The following CLCN7 variants were observed in gnomAD, a reference collection of about 807,000 sequenced individuals.
CLCN7 encodes H(+)/Cl(-) exchange transporter 7.
In CLCN7, 60 loss-of-function variants were observed where a neutral mutation model predicts 102.1. The observed-to-expected ratio is 0.59, with a 90% CI of 0.48 to 0.73. CLCN7 has a LOEUF of 0.73. Among genes scored for constraint, CLCN7 ranks in the 30% least tolerant of loss-of-function variants. The pLI is 0.00. For synonymous variants in CLCN7, 560 were observed against 490.5 expected, an observed-to-expected ratio of 1.14 and a Z score of -1.87; for missense variants, 962 against 1,125.7, an observed-to-expected ratio of 0.85 and a Z score of 2.08.
chr16:1,469,056 A>G (rs1596230226), intron 1 of CLCN7, among the ~76,000 whole-genome samples: 1 of 147,718 alleles, frequency 6.8e-6, no homozygotes, highest in African/African-American at 2.6e-5. Flanking sequence ...AAAAAAAAAA[A>G]TTAGCCGGGC....
At position 1,446,302 on chromosome 16, in the gene CLCN7, C is replaced by T. The variant is rs1567262368; in HGVS notation, c.*329G>A. 1.0e-5 allele frequency: 7 copies of T among 699,790 alleles called. No homozygotes were observed. Among genetic ancestry groups the T allele is most frequent in the East Asian group, 5.4e-5 (2 of 37,288 alleles). The allele number at this position is 699,790 out of a possible 1,614,324, so 43.3% of individuals were successfully genotyped here. ...CACACGGGCACAGGCACGCAGGTGCCGGCCCTGCCGCTGGCTCCCAAGAGG... is the reference window on the plus strand; with the variant it reads ...CACACGGGCACAGGCACGCAGGTGCTGGCCCTGCCGCTGGCTCCCAAGAGG... On this transcript the variant is annotated 3_prime_UTR_variant, in exon 25 of 25. Transcript: ENST00000382745.
At chr16:1,454,610 G>A (rs1357421355) in intron 12 of CLCN7, 145 bp from the exon 13 acceptor site, 14 of 815,056 alleles carry the variant, frequency 1.7e-5, no homozygotes, top group South Asian at 9.9e-5. Context: ...GAAGTCCACA[G>A]GGGAGAAACA....
At chr16:1,473,701 A>C (rs1029785092) in intron 1 of CLCN7, among the ~76,000 whole-genome samples, 3 of 152,026 alleles carry the variant, frequency 2.0e-5, no homozygotes, top group Admixed American at 2.0e-4. Context: ...GCACAAGACA[A>C]GTGTTTAAAG....
At chr16:1,460,666 T>C in intron 5 of CLCN7, 139 bp from the exon 6 acceptor site, 1 of 1,333,822 alleles carries the variant, frequency 7.5e-7, no homozygotes, top group Non-Finnish European at 1.1e-6. Flanking sequence ...CCCAGAGACG[T>C]CTCACGGCCC....
intron 1 of CLCN7, among the ~76,000 whole-genome samples, 174 bp downstream of exon 1, chr16:1,474,660 G>A (rs1166759526): frequency 6.6e-6 from 1 of 151,902 alleles, no homozygotes; most frequent in Non-Finnish European, 1.5e-5. Flanking sequence ...CCAGACCCCA[G>A]GCGCCCCCGC....
intron 17 of CLCN7, 188 bp downstream of exon 17, chr16:1,450,309 G>C (rs978272144): frequency 1.9e-5 from 11 of 572,346 alleles, no homozygotes; most frequent in Non-Finnish European, 3.3e-5. Flanking sequence ...CGCTGCCACA[G>C]TACACGCTGC....
intron 24 of CLCN7, 87 bp downstream of exon 24, chr16:1,446,919 C>G (rs1031457010): frequency 7.7e-7 from 1 of 1,307,088 alleles, no homozygotes; most frequent in Non-Finnish European, 1.1e-6. Flanking sequence ...GCTTCCGTGT[C>G]CCCTGCCGGG....
intron 2 of CLCN7, among the ~76,000 whole-genome samples, chr16:1,463,597 C>A (rs893937072): frequency 7.2e-5 from 11 of 152,186 alleles, no homozygotes; most frequent in Non-Finnish European, 1.5e-4. Flanking sequence ...CCTCAGCGTC[C>A]TGAGTAGCTG....
chr16:1,465,742 CAG>C (rs1436310523), intron 1 of CLCN7, among the ~76,000 whole-genome samples: 3 of 152,258 alleles, frequency 2.0e-5, no homozygotes, highest in Non-Finnish European at 4.4e-5. Flanking sequence ...GCCACCTCCA[CAG>C]AGTCACCTCC....
intron 1 of CLCN7, chr16:1,474,014 G>T: frequency 2.5e-6 from 1 of 393,698 alleles, no homozygotes; most frequent in Non-Finnish European, 5.1e-6. Flanking sequence ...AACTCGGGAG[G>T]TGGGGGTTGC....
At chr16:1,465,445 G>A in intron 1 of CLCN7, 107 bp from the exon 2 acceptor site, 7 of 1,011,068 alleles carry the variant, frequency 6.9e-6, no homozygotes, top group South Asian at 1.4e-5. Context: ...CTGCCCGGGA[G>A]CTCAGGAATG....
intron 1 of CLCN7, chr16:1,466,760 T>C (rs1049244183): frequency 1.3e-5 from 2 of 151,672 alleles, no homozygotes; most frequent in Non-Finnish European, 2.9e-5. Flanking sequence ...CGAGACCAGC[T>C]GGGCCAACAT....
rs760390470 is a variant in CLCN7, at chr16:1,449,043, T to C, written c.1720A>G (p.Thr574Ala). The C allele has an allele frequency of 6.2e-7, 1 of 1,612,840 alleles. No homozygotes were observed. Among genetic ancestry groups the C allele is most frequent in the South Asian group, 1.1e-5 (1 of 91,090 alleles). Reference sequence around the variant, plus strand: ...GGGAAGCCGTAGGTCACGTTGCTGGTGGCCTCCATCATGATGACGGTCAGG... The same window carrying C: ...GGGAAGCCGTAGGTCACGTTGCTGGCGGCCTCCATCATGATGACGGTCAGG... ...LSLTVIMMEA[T>A]SNVTYGFPIM... Residue 574 changes from threonine (T) to alanine (A), a missense_variant, in exon 19 of 25, where the codon ACC becomes GCC. Coordinates refer to ENST00000382745, the MANE Select transcript of CLCN7 (RefSeq NM_001287.6).
chr16:1,455,256 G>A lies in CLCN7; in HGVS notation c.982-6C>T. 1.3e-6 allele frequency: 2 copies of A among 1,577,518 alleles called. No homozygotes were observed. Among genetic ancestry groups the A allele is most frequent in the African/African-American group, 1.3e-5 (1 of 74,194 alleles). ...GAGATCATGGAAGCAAAGAACTGCG[G>A]CAGAGGGCAGGAAACCAGCGCCCTC... On this transcript the variant is annotated splice_polypyrimidine_tract_variant and splice_region_variant and intron_variant, in intron 11 of 24. Coordinates refer to ENST00000382745, the MANE Select transcript of CLCN7 (RefSeq NM_001287.6).
Position 1,446,293 on chromosome 16 carries a change from C to T in CLCN7, c.*338G>A, listed in dbSNP as rs950918330. 1.3e-4 allele frequency: 92 copies of T among 698,636 alleles called. 1 individual carries two copies. The highest frequency in any genetic ancestry group is 6.7e-4 in the East Asian group (25 of 37,272). The allele number at this position is 698,636 out of a possible 1,614,324, so 43.3% of individuals were successfully genotyped here. ...TGTCTCACGCACACGGGCACAGGCA[C>T]GCAGGTGCCGGCCCTGCCGCTGGCT... is the stretch of plus-strand genomic sequence containing the variant. On this transcript the variant is annotated 3_prime_UTR_variant, in exon 25 of 25. Transcript: ENST00000382745.
At chr16:1,468,781 C>T (rs1567276417) in intron 1 of CLCN7, among the ~76,000 whole-genome samples, 1 of 152,162 alleles carries the variant, frequency 6.6e-6, no homozygotes, top group Non-Finnish European at 1.5e-5. Context: ...CCGACACTCT[C>T]TTGGTTTTGG....
chr16:1,447,226 A>T (rs1167236800), intron 23 of CLCN7, 140 bp from the exon 24 acceptor site: 2 of 1,134,652 alleles, frequency 1.8e-6, no homozygotes, highest in Non-Finnish European at 2.5e-6. Flanking sequence ...CAGCCCCCTC[A>T]GCCCCTTGAC....
rs28429525 is a variant in CLCN7 at position 1,445,183 on chromosome 16, G to A, written c.*1448C>T. 6.6e-6 allele frequency: 1 copy of A among 152,246 alleles called. No homozygotes were observed. The highest frequency in any genetic ancestry group is 6.5e-5 in the Admixed American group (1 of 15,286). 9.4% of individuals were successfully genotyped at this position (152,246 alleles called of 1,614,324 possible). A position where few individuals can be genotyped will look rare whatever the true frequency, so the allele number is the denominator to read the frequency against. ...CAGAGGAGGGAGGCTGAGGGGCGGG[G>A]ACGAGGAAGAGGATGTGGCTGGTGC... On this transcript the variant is annotated 3_prime_UTR_variant, in exon 25 of 25. Coordinates refer to ENST00000382745, the MANE Select transcript of CLCN7 (RefSeq NM_001287.6).
chr16:1,459,440 T>A, intron 6 of CLCN7: 1 of 310,602 alleles, frequency 3.2e-6, no homozygotes, highest in Non-Finnish European at 5.7e-6. Context: ...CGTCGGGGCA[T>A]CAGGGAAGGG....
Sources: gnomAD v4.1 joint callset for allele counts (sites outside exome capture counted in the v4.1 genomes callset) on GRCh38, gnomAD v4.1.1 for gene constraint, MANE v1.5 for transcripts, NCBI Gene and HGNC (gene_info 2026-07-23, HGNC 2026-07-21) for gene names.